TLCD4: variants seen among roughly 807,000 people sequenced by gnomAD.
TLCD4 encodes the protein TLC domain-containing protein 4.
In TLCD4, 7 loss-of-function variants were observed where a neutral mutation model predicts 24.2. That is an observed-to-expected ratio of 0.29 (90% CI 0.16 to 0.54). The LOEUF (loss-of-function observed/expected upper bound fraction) is 0.54. Ranked by LOEUF, TLCD4 falls within the 20% of genes least tolerant of loss-of-function variation. The pLI, the probability that TLCD4 is intolerant of heterozygous loss-of-function variation, is 0.95. For synonymous variants in TLCD4, 103 were observed against 106.4 expected (o/e 0.97, Z 0.20); for missense variants, 259 against 313.9 (o/e 0.82, Z 1.32).
intron 1 of TLCD4, among the ~76,000 whole-genome samples, chr1:95,129,540 G>C (rs552101749): frequency 6.6e-6 from 1 of 152,248 alleles, no homozygotes; most frequent in Admixed American, 6.5e-5. Flanking sequence ...TCAAGAGTTC[G>C]AGACCAACCT....
the TLCD4 span, among the ~76,000 whole-genome samples, chr1:95,094,903 C>T: frequency 1.3e-5 from 2 of 152,308 alleles, no homozygotes; most frequent in South Asian, 4.1e-4. Context: ...CAGTATGAGA[C>T]CTGAGGAATT....
intron 5 of TLCD4, among the ~76,000 whole-genome samples, chr1:95,155,235 G>A (rs540446125): frequency 3.3e-5 from 5 of 151,824 alleles, no homozygotes; most frequent in Non-Finnish European, 5.9e-5. Flanking sequence ...TTCCATAATC[G>A]CTTGCTAAAA....
chr1:95,109,335 C>A, the TLCD4 span, among the ~76,000 whole-genome samples: 2 of 151,876 alleles, frequency 1.3e-5, no homozygotes, highest in South Asian at 2.1e-4. Context: ...AGAGTGAGAC[C>A]CTGACTTTAA....
At chr1:95,160,953 C>T (rs12746010) in intron 5 of TLCD4, among the ~76,000 whole-genome samples, 10,764 of 152,154 alleles carry the variant, frequency 0.071, 440 homozygotes, top group Non-Finnish European at 0.089. Context: ...GGATATTGGT[C>T]TAAAATTCTC....
chr1:95,122,205 C>A (rs751171402), intron 1 of TLCD4, among the ~76,000 whole-genome samples: 2 of 152,096 alleles, frequency 1.3e-5, no homozygotes, highest in African/African-American at 4.8e-5. Context: ...GAAAAAAATA[C>A]AAAAATTAGC....
chr1:95,169,668 A>G (rs1259410596), intron 5 of TLCD4, among the ~76,000 whole-genome samples: 1 of 152,092 alleles, frequency 6.6e-6, no homozygotes, highest in East Asian at 1.9e-4. Flanking sequence ...AATATTAACT[A>G]GAGAGAAATT....
intron 1 of TLCD4, among the ~76,000 whole-genome samples, chr1:95,119,169 T>G (rs1469158268): frequency 6.6e-6 from 1 of 152,214 alleles, no homozygotes; most frequent in East Asian, 1.9e-4. Context: ...CTACTAATGC[T>G]TTATACTTGG....
At chr1:95,128,299 A>G (rs960155440) in intron 1 of TLCD4, among the ~76,000 whole-genome samples, 1 of 152,234 alleles carries the variant, frequency 6.6e-6, no homozygotes, top group Non-Finnish European at 1.5e-5. Flanking sequence ...CTTGTTAAGC[A>G]TTATAAAAAC....
intron 5 of TLCD4, among the ~76,000 whole-genome samples, chr1:95,161,276 C>T (rs1027497537): frequency 6.6e-6 from 1 of 152,124 alleles, no homozygotes; most frequent in African/African-American, 2.4e-5. Context: ...TCTAGATTTT[C>T]TAGTTTATTT....
chr1:95,142,534 A>G (rs1167055473), intron 1 of TLCD4, among the ~76,000 whole-genome samples: 3 of 152,186 alleles, frequency 2.0e-5, no homozygotes, highest in Non-Finnish European at 4.4e-5. Flanking sequence ...TACACTCCAC[A>G]GGGTGGGAGT....
chr1:95,114,932 A>G (rs12725111), upstream of TLCD4, among the ~76,000 whole-genome samples: 3,766 of 152,124 alleles, frequency 0.025, 79 homozygotes, highest in Non-Finnish European at 0.037. Context: ...GAATAACAAT[A>G]TAAAAAGTGC....
rs879026807 is a variant in TLCD4 at position 95,194,119 on chromosome 1, A to G, written c.*2251A>G. The stretch of plus-strand genomic sequence containing the variant: ...TGCTTAAAACTTCATTCTTACTTTC[A>G]TTAATGTTACCCTTCACTGGTATAG... On this transcript the variant is annotated 3_prime_UTR_variant, in exon 7 of 7. Transcript: ENST00000370203. 6.6e-6 allele frequency: 1 copy of G among 151,892 alleles called. No individual in the cohort carries two copies. Among genetic ancestry groups the G allele is most frequent in the South Asian group, 2.1e-4 (1 of 4,832 alleles). 9.4% of individuals were successfully genotyped at this position (151,892 alleles called of 1,614,324 possible). A position where few individuals can be genotyped will look rare whatever the true frequency, so the allele number is the denominator to read the frequency against.
chr1:95,142,291 C>CTTTTT (rs33917874), intron 1 of TLCD4, among the ~76,000 whole-genome samples: 8 of 116,792 alleles, frequency 6.8e-5, no homozygotes, highest in African/African-American at 2.6e-4. Context: ...TTATAAAAAT[C>CTTTTT]TTTTTTTTTT....
At chr1:95,106,267 GAT>G in the TLCD4 span, among the ~76,000 whole-genome samples, 2 of 152,126 alleles carry the variant, frequency 1.3e-5, no homozygotes, top group Non-Finnish European at 1.5e-5. Context: ...ATTTCAATTT[GAT>G]ATGTTTGTGA....
intron 6 of TLCD4, among the ~76,000 whole-genome samples, chr1:95,190,109 T>C (rs113282846): frequency 1.3e-4 from 18 of 134,080 alleles, no homozygotes; most frequent in Admixed American, 2.2e-4. Context: ...TTTTTTTTTT[T>C]TCTTTTTTTT....
the TLCD4 span, among the ~76,000 whole-genome samples, chr1:95,111,386 T>C: frequency 1.3e-5 from 2 of 152,170 alleles, no homozygotes; most frequent in Non-Finnish European, 2.9e-5. Flanking sequence ...TTCTTTGTTC[T>C]GGATCCCTTT....
At chr1:95,190,342 CT>C (rs200553698) in intron 6 of TLCD4, among the ~76,000 whole-genome samples, 2,736 of 135,226 alleles carry the variant, frequency 0.02, 83 homozygotes, top group African/African-American at 0.066. Context: ...CTTTTCTTTT[CT>C]TTTTTGAGAT....
chr1:95,143,616 AAG>A (rs1340485475), intron 1 of TLCD4, among the ~76,000 whole-genome samples: 4 of 152,148 alleles, frequency 2.6e-5, no homozygotes, highest in African/African-American at 7.2e-5. Context: ...TGTTAATATT[AAG>A]ACTTAGATAA....
At chr1:95,176,660 A>G (rs892423755) in intron 6 of TLCD4, among the ~76,000 whole-genome samples, 20 of 152,112 alleles carry the variant, frequency 1.3e-4, no homozygotes, top group African/African-American at 4.8e-4. Context: ...ATGAAGTCCC[A>G]TTTGTCAGTT....
Sources: gnomAD v4.1 joint callset for allele counts (sites outside exome capture counted in the v4.1 genomes callset) on GRCh38, gnomAD v4.1.1 for gene constraint, MANE v1.5 for transcripts, NCBI Gene and HGNC (gene_info 2026-07-23, HGNC 2026-07-21) for gene names.